The following ADAMTSL1 variants were observed in gnomAD, a reference collection of about 807,000 sequenced individuals.
ADAMTSL1 encodes ADAMTS like 1.
Under a neutral mutation model 201.8 loss-of-function variants are expected in ADAMTSL1, and 126 were observed. The observed-to-expected ratio is 0.62, with a 90% confidence interval of 0.54 to 0.72. The LOEUF (loss-of-function observed/expected upper bound fraction) is 0.72. ADAMTSL1 is among the 30% of genes least tolerant of loss of function. ADAMTSL1 has a pLI of 0.00. For missense variants in ADAMTSL1, 2,679 were observed against 2,277.8 expected (o/e 1.18, Z -3.59); for synonymous variants, 1,121 against 903.4 (o/e 1.24, Z -4.32).
chr9:18,490,764 T>C (rs967829789), intron 1 of ADAMTSL1, among the ~76,000 whole-genome samples: 2 of 152,010 alleles, frequency 1.3e-5, no homozygotes, highest in Non-Finnish European at 2.9e-5. Context: ...CAGCAAGATG[T>C]GAGGGAAAGT....
At chr9:18,441,698 T>C (rs1036957171) in intron 2 of ADAMTSL1, among the ~76,000 whole-genome samples, 2 of 152,002 alleles carry the variant, frequency 1.3e-5, no homozygotes, top group Non-Finnish European at 2.9e-5. Flanking sequence ...TTTTCTATAA[T>C]AGGAGATGCT....
chr9:18,411,917 T>C (rs1309257537), intron 2 of ADAMTSL1, among the ~76,000 whole-genome samples: 2 of 152,368 alleles, frequency 1.3e-5, no homozygotes, highest in East Asian at 1.9e-4. Flanking sequence ...GTACTTTTTA[T>C]GTAATTTTGT....
At chr9:18,293,051 G>A (rs1389743686) in intron 2 of ADAMTSL1, among the ~76,000 whole-genome samples, 2 of 152,142 alleles carry the variant, frequency 1.3e-5, no homozygotes, top group Non-Finnish European at 2.9e-5. Flanking sequence ...AGAAGAGGAG[G>A]TATAATTAGT....
intron 2 of ADAMTSL1, among the ~76,000 whole-genome samples, chr9:18,301,872 G>A (rs926542066): frequency 6.6e-6 from 1 of 152,150 alleles, no homozygotes; most frequent in Admixed American, 6.6e-5. Flanking sequence ...TTGAAATTGT[G>A]TGTGTACATT....
intron 25 of ADAMTSL1, among the ~76,000 whole-genome samples, chr9:18,891,207 G>A (rs548359450): frequency 6.7e-6 from 1 of 149,910 alleles, no homozygotes; most frequent in South Asian, 2.1e-4. Context: ...GTTCACCTTT[G>A]ACCCGTTTGC....
chr9:18,311,803 T>C (rs1184395559), intron 2 of ADAMTSL1, among the ~76,000 whole-genome samples: 1 of 152,078 alleles, frequency 6.6e-6, no homozygotes, highest in Non-Finnish European at 1.5e-5. Context: ...TTAAAATATA[T>C]CTACAACACA....
intron 23 of ADAMTSL1, among the ~76,000 whole-genome samples, chr9:18,853,478 G>A (rs1826631947): frequency 6.6e-6 from 1 of 152,172 alleles, no homozygotes; most frequent in African/African-American, 2.4e-5. Context: ...TGGGGCCACA[G>A]GACCAGTTAA....
chr9:18,596,911 G>A (rs1282984274), intron 4 of ADAMTSL1, among the ~76,000 whole-genome samples: 1 of 152,134 alleles, frequency 6.6e-6, no homozygotes. Flanking sequence ...ACTCATGTAA[G>A]TCCTTCAGCA....
At chr9:18,217,799 G>A (rs1459646107) in intron 2 of ADAMTSL1, among the ~76,000 whole-genome samples, 1 of 152,100 alleles carries the variant, frequency 6.6e-6, no homozygotes, top group East Asian at 1.9e-4. Flanking sequence ...GCGGCTAATG[G>A]CTGAATTGTT....
chr9:17,906,706 T>G (rs1053657050), exon 1 of ADAMTSL1: 7 of 152,646 alleles, frequency 4.6e-5, no homozygotes, highest in African/African-American at 1.2e-4. Flanking sequence ...CAGCTCTGTC[T>G]CGTGGGGCGC....
chr9:18,287,935 G>A (rs1429112758), intron 2 of ADAMTSL1, among the ~76,000 whole-genome samples: 3 of 152,092 alleles, frequency 2.0e-5, no homozygotes, highest in Non-Finnish European at 4.4e-5. Context: ...GCTCAGCTTA[G>A]CAAATTAAAA....
At chr9:18,312,783 CA>C (rs1246762762) in intron 2 of ADAMTSL1, among the ~76,000 whole-genome samples, 1 of 152,156 alleles carries the variant, frequency 6.6e-6, no homozygotes, top group Non-Finnish European at 1.5e-5. Flanking sequence ...AAACTCTCTG[CA>C]AAGATGATTG....
chr9:18,474,740 T>G (rs949914490), intron 1 of ADAMTSL1, among the ~76,000 whole-genome samples: 3 of 152,158 alleles, frequency 2.0e-5, no homozygotes, highest in Non-Finnish European at 2.9e-5. Context: ...TCTATGCACA[T>G]GTACTATGGA....
In ADAMTSL1 at chr9:18,418,223, C is replaced by G. The variant is rs114228152; in HGVS notation, c.208-86606C>G. 4.7e-3 allele frequency among the ~76,000 whole-genome samples: 708 copies of G among 152,192 alleles called. 5 individuals carry two copies. The highest frequency in any genetic ancestry group is 0.016 in the African/African-American group (668 of 41,526). On this transcript the variant is annotated intron_variant, in intron 2 of 29. Transcript: ENST00000680146. ...CTGATAAAGAGTATCTGCTAAAAAACCCAACCAAACAAACAAAAAGTCACT... is the reference window on the plus strand; with the variant it reads ...CTGATAAAGAGTATCTGCTAAAAAAGCCAACCAAACAAACAAAAAGTCACT...
At chr9:18,392,239 G>T (rs975132503) in intron 2 of ADAMTSL1, among the ~76,000 whole-genome samples, 2 of 152,136 alleles carry the variant, frequency 1.3e-5, no homozygotes, top group Non-Finnish European at 1.5e-5. Flanking sequence ...GTACTGATGT[G>T]ATTACAAAAT....
chr9:18,787,425 C>A (rs1004426603), intron 19 of ADAMTSL1, among the ~76,000 whole-genome samples: 1 of 152,068 alleles, frequency 6.6e-6, no homozygotes, highest in African/African-American at 2.4e-5. Flanking sequence ...ACTATCTATT[C>A]CCTGAAATGC....
At chr9:18,213,733 G>C (rs1829964609) in intron 2 of ADAMTSL1, among the ~76,000 whole-genome samples, 1 of 152,042 alleles carries the variant, frequency 6.6e-6, no homozygotes, top group Non-Finnish European at 1.5e-5. Context: ...CAGAATCTGA[G>C]TCCAAATAAT....
chr9:18,853,301 A>T (rs1196284496), intron 23 of ADAMTSL1, among the ~76,000 whole-genome samples: 4 of 152,222 alleles, frequency 2.6e-5, no homozygotes, highest in African/African-American at 9.6e-5. Flanking sequence ...AGCCAGCTGA[A>T]TGGGATACCA....
At chr9:17,907,352 C>T (rs892452581) in intron 1 of ADAMTSL1, among the ~76,000 whole-genome samples, 5 of 152,190 alleles carry the variant, frequency 3.3e-5, no homozygotes, top group African/African-American at 9.6e-5. Context: ...CTGGGACACT[C>T]CTCCACACTT....
Sources: allele counts gnomAD v4.1 joint callset (sites outside exome capture counted in the v4.1 genomes callset), GRCh38; gene constraint gnomAD v4.1.1; transcripts MANE v1.5; gene names NCBI Gene and HGNC (gene_info 2026-07-23, HGNC 2026-07-21).